The following BEND3 variants were observed in gnomAD, a reference collection of about 807,000 sequenced individuals.
BEND3 encodes BEN domain containing 3.
BEND3 carries 13 observed loss-of-function variants against 60.1 expected under a neutral mutation model. The observed-to-expected ratio is 0.22, with a 90% CI of 0.14 to 0.34. The LOEUF is 0.34. Among genes scored for constraint, BEND3 ranks in the 10% least tolerant of loss-of-function variants. The probability of loss-of-function intolerance (pLI) is 1.00; values close to 1 mark genes in which losing one functional copy is unlikely to be tolerated. For synonymous variants in BEND3, 497 were observed against 491.5 expected, an observed-to-expected ratio of 1.01 and a Z score of -0.15; for missense variants, 896 against 1,138.1, an observed-to-expected ratio of 0.79 and a Z score of 3.06.
In BEND3 at chr6:107,068,705, C is replaced by T; in HGVS notation, c.2486G>A (p.Ter829=). The T allele has an allele frequency of 6.2e-7, 1 of 1,612,072 alleles. No homozygotes were observed. The highest frequency in any genetic ancestry group is 2.2e-5 in the East Asian group (1 of 44,884). The change falls in exon 4 of 4, where the codon TGA becomes TAA. Residue 829 remains the stop codon, a stop_retained_variant. Transcript: ENST00000369042. This position sits in a 1 kb window ranked among gnomAD's most constrained non-coding sequence, Gnocchi z 5.8. ...ILKKAKKVEK[*] ...AATCTCTGGGCAGGTCACGGGCCTT[C>T]ACTTCTCCACTTTCTTTGCTTTCTT...
intron 3 of BEND3, among the ~76,000 whole-genome samples, chr6:107,076,613 C>T (rs1562302028): frequency 1.3e-5 from 2 of 152,142 alleles, no homozygotes; most frequent in Non-Finnish European, 2.9e-5. Context: ...ATCGCAACCC[C>T]AAATCCAAGA....
intron 3 of BEND3, among the ~76,000 whole-genome samples, chr6:107,097,312 A>G (rs1554236076): frequency 6.6e-6 from 1 of 151,962 alleles, no homozygotes; most frequent in Admixed American, 6.6e-5. Flanking sequence ...GGTTGCGGTA[A>G]GCCAAGATCG....
In BEND3 at chr6:107,071,076, AC is replaced by A; in HGVS notation, c.241-127del. On this transcript the variant is annotated intron_variant, in intron 3 of 3. Coordinates refer to ENST00000369042, the MANE Select transcript of BEND3 (RefSeq NM_001367314.1). ...GGAGCATGTAAGAAACTGATTCCTC[AC>A]CCTGAATCACTCTGTCATCCAAGGA... The A allele has an allele frequency of 3.6e-6, 3 of 841,682 alleles. No homozygotes were observed. The East Asian group carries it at 8.1e-5, about 23-fold the overall frequency. The allele number at this position is 841,682 out of a possible 1,614,324, so 52.1% of individuals were successfully genotyped here. A position where few individuals can be genotyped will look rare whatever the true frequency, so the allele number is the denominator to read the frequency against.
chr6:107,070,948 A>G lies in BEND3; in HGVS notation c.243T>C (p.Ala81=). The G allele has an allele frequency of 1.2e-6, 2 of 1,602,042 alleles. No homozygotes were observed. Among genetic ancestry groups the G allele is most frequent in the East Asian group, 2.2e-5 (1 of 44,704 alleles). The change falls in exon 4 of 4, where the codon GCT becomes GCC. Residue 81 remains alanine (A), a splice_region_variant and synonymous_variant. Coordinates refer to ENST00000369042, the MANE Select transcript of BEND3 (RefSeq NM_001367314.1). This position sits in a 1 kb window ranked among gnomAD's most constrained non-coding sequence, Gnocchi z 6.9. ...GVKRRRLIPE[A]LLAGMRNREN... ...CACGGTTCCGCATGCCTGCTAGGAG[A>G]GCCTGCAAAACAAAAATCATTTCCC...
intron 3 of BEND3, among the ~76,000 whole-genome samples, chr6:107,078,825 T>C (rs1554233130): frequency 6.6e-6 from 1 of 151,058 alleles, no homozygotes; most frequent in Non-Finnish European, 1.5e-5. Flanking sequence ...GGTAGTGATA[T>C]GGGAGGGGGC....
At position 107,066,262 on chromosome 6, in the gene BEND3, T is replaced by C. The variant is rs1222345708; in HGVS notation, c.*2442A>G. 6.6e-6 allele frequency: 1 copy of C among 152,124 alleles called. No homozygotes were observed. The highest frequency in any genetic ancestry group is 1.5e-5 in the Non-Finnish European group (1 of 68,018). 9.4% of individuals were successfully genotyped at this position (152,124 alleles called of 1,614,324 possible). A position where few individuals can be genotyped will look rare whatever the true frequency, so the allele number is the denominator to read the frequency against. On this transcript the variant is annotated 3_prime_UTR_variant, in exon 4 of 4. Coordinates refer to ENST00000369042, the MANE Select transcript of BEND3 (RefSeq NM_001367314.1). ...ATGTAAAAAATTTAAAATAAAAAAA[T>C]GCCCACTGGAGCCACCTGTATGGAT...
chr6:107,076,943 G>T (rs1382552975), intron 3 of BEND3, among the ~76,000 whole-genome samples: 4 of 151,816 alleles, frequency 2.6e-5, no homozygotes, highest in African/African-American at 9.7e-5. Context: ...CCCTCCCCAG[G>T]CTCAAGTTAT....
In BEND3 at chr6:107,069,510, G is replaced by A. The variant is rs139604988; in HGVS notation, c.1681C>T (p.Arg561Cys). The A allele has an allele frequency of 1.1e-4, 178 of 1,613,108 alleles. No homozygotes were observed. The African/African-American group carries it at 2.0e-3, about 18-fold the overall frequency. Residue 561 changes from arginine to cysteine, a missense_variant, in exon 4 of 4, where the codon CGC becomes TGC. Arg to Cys is a radical substitution (Grantham distance 180). This residue lies in a region of BEND3 where 846 missense variants were observed against 1,036.7 expected (regional missense o/e 0.82). Transcript: ENST00000369042. ...GACAGGCTGCTCTCGTAGATGCTGC[G>A]TAGCTGCTCCTTGCTGAGCAGGCAG... Reference protein sequence around the residue: ...ADCLLSKEQLRSIYESSLSIG... With the variant: ...ADCLLSKEQLCSIYESSLSIG...
chr6:107,095,587 A>G (rs1775570290), intron 3 of BEND3, among the ~76,000 whole-genome samples: 1 of 152,182 alleles, frequency 6.6e-6, no homozygotes, highest in African/African-American at 2.4e-5. Flanking sequence ...GAAAACCTAT[A>G]CATGGATGTT....
chr6:107,069,717 C>T lies in BEND3; in HGVS notation c.1474G>A (p.Asp492Asn), dbSNP rs1358930772. The T allele has an allele frequency of 4.3e-6, 7 of 1,610,786 alleles. No homozygotes were observed. Among genetic ancestry groups the T allele is most frequent in the East Asian group, 2.2e-5 (1 of 44,872 alleles). The change falls in exon 4 of 4, where the codon GAC becomes AAC. Residue 492 changes from aspartate (D) to asparagine (N), a missense_variant. Asp to Asn is a conservative substitution (Grantham distance 23). This residue lies in a region of BEND3 where 846 missense variants were observed against 1,036.7 expected (regional missense o/e 0.82). Coordinates refer to ENST00000369042, the MANE Select transcript of BEND3 (RefSeq NM_001367314.1). ...GLGLDAGSEG[D>N]PPRDDCYDSS... ...TCGTAGCAGTCATCACGCGGGGGGT[C>T]GCCTTCACTGCCCGCGTCCAGCCCC...
intron 3 of BEND3, among the ~76,000 whole-genome samples, chr6:107,075,302 T>G (rs1775078467): frequency 6.6e-6 from 1 of 152,044 alleles, no homozygotes; most frequent in Non-Finnish European, 1.5e-5. Context: ...AATATCAAAG[T>G]GTACTGCACA....
chr6:107,106,448 T>C (rs1275781634), intron 1 of BEND3, among the ~76,000 whole-genome samples: 1 of 152,144 alleles, frequency 6.6e-6, no homozygotes, highest in African/African-American at 2.4e-5. Flanking sequence ...CCTGCTAAGC[T>C]GTGAGCTGGG....
At chr6:107,100,682 AAAAC>A (rs1554236661) in intron 1 of BEND3, among the ~76,000 whole-genome samples, 1 of 152,230 alleles carries the variant, frequency 6.6e-6, no homozygotes, top group African/African-American at 2.4e-5. Context: ...CCACTAAAAC[AAAAC>A]AAACAAAATT....
chr6:107,112,562 C>CA (rs148002847), intron 1 of BEND3, among the ~76,000 whole-genome samples: 3,536 of 150,882 alleles, frequency 0.023, 124 homozygotes, highest in African/African-American at 0.079. Context: ...TCAACAACAA[C>CA]AAAAAAAAAC....
At chr6:107,075,468 C>A (rs1775081768) in intron 3 of BEND3, among the ~76,000 whole-genome samples, 1 of 152,144 alleles carries the variant, frequency 6.6e-6, no homozygotes, top group Non-Finnish European at 1.5e-5. Flanking sequence ...AAGTGCCTTA[C>A]TTGCTAATTC....
intron 1 of BEND3, among the ~76,000 whole-genome samples, chr6:107,111,729 C>A (rs1295416428): frequency 6.6e-6 from 1 of 152,066 alleles, no homozygotes; most frequent in Admixed American, 6.6e-5. Flanking sequence ...CACCTGTAAT[C>A]CTAACACTTT....
intron 3 of BEND3, among the ~76,000 whole-genome samples, chr6:107,077,553 T>C (rs1418218960): frequency 3.3e-5 from 5 of 152,116 alleles, no homozygotes; most frequent in African/African-American, 1.2e-4. Context: ...GTGAAGGATG[T>C]GCTAAGATGG....
Position 107,070,939 on chromosome 6 carries a change from T to C in BEND3, c.252A>G (p.Ala84=). 6.2e-7 allele frequency: 1 copy of C among 1,605,654 alleles called. No homozygotes were observed. The highest frequency in any genetic ancestry group is 1.1e-5 in the South Asian group (1 of 90,274). The change falls in exon 4 of 4, where the codon GCA becomes GCG. Residue 84 remains alanine, a synonymous_variant. Coordinates refer to ENST00000369042, the MANE Select transcript of BEND3 (RefSeq NM_001367314.1). The surrounding 1 kb of genome is among the most constrained non-coding windows in gnomAD (Gnocchi z 6.9). ...RRRLIPEALL[A]GMRNRENSSP... ...AGCTGTTCTCACGGTTCCGCATGCC[T>C]GCTAGGAGAGCCTGCAAAACAAAAA...
chr6:107,074,354 G>A (rs1387905794), intron 3 of BEND3, among the ~76,000 whole-genome samples: 2 of 152,120 alleles, frequency 1.3e-5, no homozygotes, highest in African/African-American at 4.8e-5. Context: ...GGCGGAGGTT[G>A]CAGTGAGCCA....
Sources: gnomAD v4.1 joint callset for allele counts (sites outside exome capture counted in the v4.1 genomes callset) on GRCh38, gnomAD v4.1.1 for gene constraint, gnomAD v4.1.1 regional missense constraint, Gnocchi (gnomAD v3.1) non-coding constraint, MANE v1.5 for transcripts, NCBI Gene and HGNC (gene_info 2026-07-23, HGNC 2026-07-21) for gene names.